Variants in ZFHX3 observed in about 807,000 individuals in gnomAD.
ZFHX3 encodes zinc finger homeobox 3, also known as zinc finger homeobox protein 3.
Under a neutral mutation model 279.1 loss-of-function variants are expected in ZFHX3, and 42 were observed. That is an observed-to-expected ratio of 0.15 (90% CI 0.12 to 0.19). ZFHX3 has a LOEUF of 0.19. ZFHX3 is among the 10% of genes least tolerant of loss of function. The pLI is 1.00. For missense variants in ZFHX3, 4,981 were observed against 4,754.0 expected, an observed-to-expected ratio of 1.05 and a Z score of -1.40; for synonymous variants, 2,293 against 1,957.8, an observed-to-expected ratio of 1.17 and a Z score of -4.52.
chr16:73,774,944 C>T (rs971756049), intron 1 of ZFHX3, among the ~76,000 whole-genome samples: 4 of 152,132 alleles, frequency 2.6e-5, no homozygotes, highest in African/African-American at 4.8e-5. Context: ...CATCCTTTTA[C>T]GTCTCCCTAT....
intron 1 of ZFHX3, among the ~76,000 whole-genome samples, chr16:72,966,496 G>A (rs1293243222): frequency 1.3e-5 from 2 of 152,162 alleles, no homozygotes; most frequent in East Asian, 3.9e-4. Context: ...AGACCATAAT[G>A]GGGCCTTTGG....
At chr16:73,060,993 C>T (rs1490521384), upstream of ZFHX3, 1 of 151,980 alleles carries the variant, frequency 6.6e-6, no homozygotes, top group African/African-American at 2.4e-5. Flanking sequence ...CTTCTGAATT[C>T]ACTCTGGGAA....
intron 4 of ZFHX3, among the ~76,000 whole-genome samples, chr16:72,832,230 C>A (rs1240777024): frequency 6.6e-6 from 1 of 152,178 alleles, no homozygotes; most frequent in Non-Finnish European, 1.5e-5. Context: ...TCACCCAACA[C>A]TGACCCCAAT....
chr16:73,198,221 G>A (rs1597215675), intron 5 of ZFHX3, among the ~76,000 whole-genome samples: 1 of 152,032 alleles, frequency 6.6e-6, no homozygotes, highest in East Asian at 1.9e-4. Context: ...ACAGGTGTGA[G>A]CCACCATGCC....
intron 3 of ZFHX3, among the ~76,000 whole-genome samples, chr16:72,949,419 G>C (rs1960865616): frequency 6.6e-6 from 1 of 152,206 alleles, no homozygotes; most frequent in Non-Finnish European, 1.5e-5. Context: ...ATTTGTACCT[G>C]ATTGTTCATA....
intron 4 of ZFHX3, among the ~76,000 whole-genome samples, chr16:73,281,899 T>C (rs1045408561): frequency 6.6e-6 from 1 of 152,182 alleles, no homozygotes; most frequent in African/African-American, 2.4e-5. Context: ...ACCTGATTAC[T>C]CGGCCTGTTT....
At chr16:73,374,787 C>T (rs2016693703) in intron 3 of ZFHX3, among the ~76,000 whole-genome samples, 2 of 152,164 alleles carry the variant, frequency 1.3e-5, no homozygotes. Flanking sequence ...GAGTTTCACA[C>T]AGTCTGATTT....
intron 1 of ZFHX3, among the ~76,000 whole-genome samples, chr16:72,996,652 G>A (rs146404710): frequency 3.5e-4 from 53 of 152,372 alleles, no homozygotes; most frequent in Non-Finnish European, 6.3e-4. Context: ...AACCCCGCCT[G>A]TGCAACTCCT....
At chr16:73,141,742 A>C (rs2144834328) in intron 6 of ZFHX3, among the ~76,000 whole-genome samples, 1 of 152,156 alleles carries the variant, frequency 6.6e-6, no homozygotes, top group Non-Finnish European at 1.5e-5. Context: ...CCTCCCTTTG[A>C]GGTAGGTGGC....
chr16:73,017,339 G>A (rs1964139173), intron 1 of ZFHX3, among the ~76,000 whole-genome samples: 1 of 152,086 alleles, frequency 6.6e-6, no homozygotes, highest in Non-Finnish European at 1.5e-5. Context: ...GGGGAGTGGG[G>A]TCTTAGTTTT....
intron 1 of ZFHX3, among the ~76,000 whole-genome samples, chr16:73,738,989 G>C (rs1597089590): frequency 7.3e-6 from 1 of 137,768 alleles, no homozygotes; most frequent in Non-Finnish European, 1.5e-5. Context: ...ACCAGACTGT[G>C]GTGGTTCTAA....
At chr16:73,516,018 A>G (rs1163438763) in intron 2 of ZFHX3, among the ~76,000 whole-genome samples, 1 of 152,228 alleles carries the variant, frequency 6.6e-6, no homozygotes, top group Non-Finnish European at 1.5e-5. Flanking sequence ...ATTTATATTC[A>G]AAGACAGAGA....
intron 2 of ZFHX3, among the ~76,000 whole-genome samples, chr16:73,592,370 G>A (rs548708725): frequency 6.6e-6 from 1 of 152,130 alleles, no homozygotes; most frequent in South Asian, 2.1e-4. Flanking sequence ...GAAGGGGGTG[G>A]GATGTGGAAG....
At chr16:73,227,848 C>CAAAAAAAAAAAAAAAAAAAAA (rs398029895) in intron 5 of ZFHX3, among the ~76,000 whole-genome samples, 1 of 46,042 alleles carries the variant, frequency 2.2e-5, no homozygotes, top group African/African-American at 1.1e-4. Flanking sequence ...GATTCTGTCT[C>CAAAAAAAAAAAAAAAAAAAAA]AAAAAAAAAA....
In ZFHX3 at chr16:73,244,706, A is replaced by C. The variant is rs180969912; in HGVS notation, c.-1104+12341T>G. ...TATCACCAACTATGGCAGCAGGGAG[A>C]TGTTGGCACACAGTGATGCCACCAG... On this transcript the variant is annotated intron_variant, in intron 5 of 17. Coordinates refer to the ZFHX3 transcript ENST00000641206. Among the ~76,000 whole-genome samples the C allele has an allele frequency of 3.5e-3, 532 of 152,232 alleles. 3 individuals carry two copies. The highest frequency in any genetic ancestry group is 0.012 in the African/African-American group (498 of 41,536).
intron 1 of ZFHX3, among the ~76,000 whole-genome samples, chr16:73,795,263 T>G (rs924033149): frequency 1.3e-5 from 2 of 152,216 alleles, no homozygotes; most frequent in Non-Finnish European, 2.9e-5. Flanking sequence ...TCCCATGACT[T>G]TGCTTTGTCT....
chr16:73,884,555 T>C (rs1313502864), intron 1 of ZFHX3, among the ~76,000 whole-genome samples: 1 of 152,230 alleles, frequency 6.6e-6, no homozygotes, highest in Non-Finnish European at 1.5e-5. Context: ...AAAAGCACTT[T>C]GTTCATTCAG....
At chr16:73,696,654 T>C (rs1376124979) in intron 1 of ZFHX3, among the ~76,000 whole-genome samples, 1 of 152,228 alleles carries the variant, frequency 6.6e-6, no homozygotes, top group Non-Finnish European at 1.5e-5. Context: ...TGGGTTTGTA[T>C]GTAATGTCAG....
At chr16:73,874,515 A>G (rs2029891988) in intron 1 of ZFHX3, among the ~76,000 whole-genome samples, 1 of 152,178 alleles carries the variant, frequency 6.6e-6, no homozygotes, top group African/African-American at 2.4e-5. Flanking sequence ...TCCCCTCTAA[A>G]TGTACACACT....
Sources: allele counts gnomAD v4.1 joint callset (sites outside exome capture counted in the v4.1 genomes callset), GRCh38; gene constraint gnomAD v4.1.1; transcripts MANE v1.5; gene names NCBI Gene and HGNC (gene_info 2026-07-23, HGNC 2026-07-21).